The following TUBGCP4 variants were observed in gnomAD, a reference collection of about 807,000 sequenced individuals.
TUBGCP4 encodes the protein tubulin gamma complex component 4, also known as gamma-tubulin complex component 4.
A neutral mutation model predicts 91.6 loss-of-function variants in TUBGCP4; 54 were observed. The observed-to-expected ratio is 0.59, with a 90% CI of 0.47 to 0.74. TUBGCP4 has a LOEUF of 0.74. Ranked by LOEUF, TUBGCP4 falls within the 30% of genes least tolerant of loss-of-function variation. TUBGCP4 has a pLI of 0.00. For missense variants in TUBGCP4, 593 were observed against 800.9 expected, an observed-to-expected ratio of 0.74 and a Z score of 3.13; for synonymous variants, 297 against 302.8, an observed-to-expected ratio of 0.98 and a Z score of 0.20.
chr15:43,404,314 A>C (rs943141468), intron 16 of TUBGCP4, 99 bp from the exon 17 acceptor site: 6 of 1,479,698 alleles, frequency 4.1e-6, no homozygotes, highest in Non-Finnish European at 5.5e-6. Context: ...TAGAATTTTG[A>C]ACAAGGCTTT....
At chr15:43,383,794 A>C (rs1417814122) in intron 7 of TUBGCP4, among the ~76,000 whole-genome samples, 2 of 151,452 alleles carry the variant, frequency 1.3e-5, no homozygotes, top group African/African-American at 4.8e-5. Context: ...TTTTAAATAC[A>C]GTTTGGAGTT....
At chr15:43,399,990 G>A in intron 13 of TUBGCP4, 54 bp from the exon 14 acceptor site, 1 of 1,467,316 alleles carries the variant, frequency 6.8e-7, no homozygotes, top group Non-Finnish European at 9.3e-7. Context: ...GTCGTGTGGG[G>A]GAAGTGCAGG....
intron 1 of TUBGCP4, among the ~76,000 whole-genome samples, chr15:43,372,278 A>C (rs2044135747): frequency 6.6e-6 from 1 of 152,200 alleles, no homozygotes. Context: ...CCGTCTGATC[A>C]CCAAGACATG....
At chr15:43,376,040 C>T in intron 1 of TUBGCP4, 58 bp from the exon 2 acceptor site, 1 of 1,602,190 alleles carries the variant, frequency 6.2e-7, no homozygotes, top group South Asian at 1.1e-5. Flanking sequence ...GCGTTTGAAG[C>T]ACCTGAAAGT....
intron 16 of TUBGCP4, chr15:43,404,029 A>G (rs1424742875): frequency 9.0e-6 from 5 of 556,020 alleles, no homozygotes; most frequent in South Asian, 7.1e-5. Context: ...TATTCAGCCC[A>G]TCAAATAAGC....
chr15:43,398,812 T>G (rs1017217448), intron 13 of TUBGCP4, among the ~76,000 whole-genome samples: 2 of 152,198 alleles, frequency 1.3e-5, no homozygotes, highest in African/African-American at 4.8e-5. Context: ...TTATTCACCT[T>G]CAGTAACCAG....
At chr15:43,404,784 T>C (rs1284475881) in intron 17 of TUBGCP4, 1 of 543,494 alleles carries the variant, frequency 1.8e-6, no homozygotes, top group Non-Finnish European at 3.2e-6. Flanking sequence ...TGTTAAGTCC[T>C]TTGCTAGGTT....
In TUBGCP4 at chr15:43,409,657, T is replaced by C. The variant is rs138398416; in HGVS notation, c.*4443T>C. On this transcript the variant is annotated 3_prime_UTR_variant, in exon 18 of 18. Coordinates refer to ENST00000564079, the MANE Select transcript of TUBGCP4 (RefSeq NM_014444.5). ...AAAGAAACTCCTCACCTGGGCTTCA[T>C]TGAAATCTTCAAGGATATAGCCAGC... 3.6e-5 allele frequency: 55 copies of C among 1,546,410 alleles called. No homozygotes were observed. The highest frequency in any genetic ancestry group is 4.4e-5 in the Non-Finnish European group (51 of 1,146,492).
rs142688668 is a variant in TUBGCP4 at position 43,376,032 on chromosome 15, G to A, written c.79-66G>A. 8.0e-4 allele frequency: 1,269 copies of A among 1,595,804 alleles called. 10 individuals are homozygous for A. In the African/African-American group the frequency reaches 0.015, roughly 19 times the overall value. On this transcript the variant is annotated intron_variant, in intron 1 of 17. Coordinates refer to ENST00000564079, the MANE Select transcript of TUBGCP4 (RefSeq NM_014444.5). ...AAACGATAAATGTGTAGTATGAAGC[G>A]TTTGAAGCACCTGAAAGTTGGGGCA...
intron 17 of TUBGCP4, chr15:43,404,992 A>T (rs1056134052): frequency 6.8e-6 from 4 of 587,000 alleles, no homozygotes; most frequent in African/African-American, 3.8e-5. Flanking sequence ...GAGGTCTGTC[A>T]TTCCCATTCA....
intron 9 of TUBGCP4, among the ~76,000 whole-genome samples, chr15:43,388,081 G>A (rs1012144713): frequency 2.6e-5 from 4 of 152,022 alleles, no homozygotes; most frequent in African/African-American, 9.7e-5. Flanking sequence ...GAACGTTTGG[G>A]CTCAAGTGAT....
chr15:43,384,583 G>A (rs2044328756), intron 7 of TUBGCP4, among the ~76,000 whole-genome samples: 1 of 152,210 alleles, frequency 6.6e-6, no homozygotes, highest in African/African-American at 2.4e-5. Flanking sequence ...AAAGGCTGAA[G>A]TAAAATGTTA....
chr15:43,407,106 C>G lies in TUBGCP4; in HGVS notation c.*1892C>G, dbSNP rs2242068. 70,816 of 336,150 alleles carry G rather than the reference C, an allele frequency of 0.21. 13,469 individuals are homozygous for G. The highest frequency in any genetic ancestry group is 0.61 in the African/African-American group (29,175 of 47,694). 20.8% of individuals were successfully genotyped at this position (336,150 alleles called of 1,614,324 possible). A position where few individuals can be genotyped will look rare whatever the true frequency, so the allele number is the denominator to read the frequency against. Reference sequence around the variant, plus strand: ...CTCTTAACTTTTCAATTTCCTTGGCCAGCTGTCCTCCGTAAGTGAATAAGC... The same window carrying G: ...CTCTTAACTTTTCAATTTCCTTGGCGAGCTGTCCTCCGTAAGTGAATAAGC... On this transcript the variant is annotated 3_prime_UTR_variant, in exon 18 of 18. Transcript: ENST00000564079.
At chr15:43,399,958 G>C (rs2044642048) in intron 13 of TUBGCP4, 86 bp from the exon 14 acceptor site, 1 of 981,004 alleles carries the variant, frequency 1.0e-6, no homozygotes, top group Non-Finnish European at 1.5e-6. Context: ...AGAGGAGTGG[G>C]TGGCACAAAG....
intron 7 of TUBGCP4, chr15:43,385,321 G>C (rs1333705330): frequency 4.4e-6 from 2 of 455,486 alleles, no homozygotes; most frequent in African/African-American, 4.0e-5. Context: ...TATGATTGCA[G>C]AGAGGTCTGT....
intron 9 of TUBGCP4, among the ~76,000 whole-genome samples, chr15:43,390,161 C>G (rs1183869888): frequency 1.3e-5 from 2 of 152,124 alleles, no homozygotes; most frequent in East Asian, 3.9e-4. Flanking sequence ...AATAAAGATT[C>G]TACAGTCCTC....
chr15:43,376,389 C>T, intron 2 of TUBGCP4, 114 bp from the exon 3 acceptor site: 1 of 1,600,650 alleles, frequency 6.2e-7, no homozygotes, highest in Non-Finnish European at 8.6e-7. Context: ...CAAGTGAAGG[C>T]AAGGCCTCTA....
Position 43,386,223 on chromosome 15 carries a change from C to T in TUBGCP4, c.907C>T (p.Gln303Ter). ...LTRKGSILKN[Q>*]EDTFAAELHR... ...TTTTGCAGGATCCATTTTGAAAAAC[C>T]AGGAAGACACTTTTGCTGCAGAGCT... Residue 303 changes from glutamine to a stop codon, truncating the protein, a stop_gained, in exon 9 of 18, where the codon CAG (glutamine) becomes TAG (stop). Coordinates refer to ENST00000564079, the MANE Select transcript of TUBGCP4 (RefSeq NM_014444.5). LOFTEE classifies it high-confidence loss of function. 1.2e-6 allele frequency: 2 copies of T among 1,607,034 alleles called. No individual in the cohort carries two copies. The highest frequency in any genetic ancestry group is 1.7e-6 in the Non-Finnish European group (2 of 1,177,818).
chr15:43,377,543 T>TG (rs1477284542), intron 4 of TUBGCP4: 1 of 315,354 alleles, frequency 3.2e-6, no homozygotes, highest in Non-Finnish European at 5.6e-6. Flanking sequence ...AATCCAGGGG[T>TG]GGAGGTTGCA....
Sources: allele counts gnomAD v4.1 joint callset (sites outside exome capture counted in the v4.1 genomes callset), GRCh38; gene constraint gnomAD v4.1.1; transcripts MANE v1.5; gene names NCBI Gene and HGNC (gene_info 2026-07-23, HGNC 2026-07-21).